The following DOT1L variants were observed in gnomAD, a reference collection of about 807,000 sequenced individuals.
DOT1L encodes histone-lysine N-methyltransferase, H3 lysine-79 specific.
In DOT1L, 33 loss-of-function variants were observed where a neutral mutation model predicts 153.3. The ratio of observed to expected loss-of-function variants is 0.22; its 90% CI spans 0.16 to 0.29. The LOEUF is 0.29. Among genes scored for constraint, DOT1L ranks in the 10% least tolerant of loss-of-function variants. DOT1L has a pLI of 1.00. For synonymous variants in DOT1L, 1,135 were observed against 965.1 expected, an observed-to-expected ratio of 1.18 and a Z score of -3.26; for missense variants, 1,847 against 2,119.9, an observed-to-expected ratio of 0.87 and a Z score of 2.53.
Position 2,207,762 on chromosome 19 carries a change from TG to T in DOT1L, c.963+83del. ...CGTCACACTGCTCTCTCCTTTCTCATGTGGCCTCTGAGACCCTCCCCTCAGA... is the reference window on the plus strand; with the variant it reads ...CGTCACACTGCTCTCTCCTTTCTCATTGGCCTCTGAGACCCTCCCCTCAGA... On this transcript the variant is annotated intron_variant, in intron 11 of 27. Transcript: ENST00000398665. The surrounding 1 kb of genome is among the most constrained non-coding windows in gnomAD (Gnocchi z 4.5). 1.5e-6 allele frequency: 2 copies of T among 1,302,576 alleles called. No individual in the cohort carries two copies. The highest frequency in any genetic ancestry group is 2.8e-5 in the South Asian group (2 of 71,136). The allele number at this position is 1,302,576 out of a possible 1,614,324, so 80.7% of individuals were successfully genotyped here.
In DOT1L at chr19:2,183,630, C is replaced by CT. The variant is rs34433988; in HGVS notation, c.126-2211dup. Among the ~76,000 whole-genome samples, 274 of 144,030 alleles carry CT rather than the reference C, an allele frequency of 1.9e-3. 2 individuals carry two copies. Among genetic ancestry groups the CT allele is most frequent in the South Asian group, 0.012 (55 of 4,546 alleles). 94.5% of individuals were successfully genotyped at this position (144,030 alleles called of 152,430 possible). ...ACTCCCAGGTATTCCTGCTTCAGTGCTTTTTTTTTTTTTTAAGGCGGAGTC... is the reference window on the plus strand; with the variant it reads ...ACTCCCAGGTATTCCTGCTTCAGTGCTTTTTTTTTTTTTTTAAGGCGGAGTC... On this transcript the variant is annotated intron_variant, in intron 2 of 27. Coordinates refer to ENST00000398665, the MANE Select transcript of DOT1L (RefSeq NM_032482.3).
At chr19:2,187,724 C>T (rs905806351) in intron 3 of DOT1L, among the ~76,000 whole-genome samples, 2 of 152,072 alleles carry the variant, frequency 1.3e-5, no homozygotes, top group Non-Finnish European at 2.9e-5. Context: ...AGATCGAGAC[C>T]ATCCTCGCTA....
chr19:2,226,038 C>T, intron 26 of DOT1L, 145 bp from the exon 27 acceptor site: 1 of 851,868 alleles, frequency 1.2e-6, no homozygotes, highest in Non-Finnish European at 1.7e-6. Flanking sequence ...TGTCCTCTCC[C>T]ATCCTGTCCC....
At position 2,164,179 on chromosome 19, in the gene DOT1L, G is replaced by T. The variant is rs750782916; in HGVS notation, c.-6G>T. 1.9e-5 allele frequency: 23 copies of T among 1,194,516 alleles called. No individual in the cohort carries two copies. In the South Asian group the frequency reaches 2.4e-4, roughly 12 times the overall value. The allele number at this position is 1,194,516 out of a possible 1,614,324, so 74.0% of individuals were successfully genotyped here. The stretch of plus-strand genomic sequence containing the variant: ...CTAGCATGGTGCGGCGGCCGCGCGC[G>T]CGGACATGGGGGAGAAGCTGGAGCT... On this transcript the variant is annotated 5_prime_UTR_variant, in exon 1 of 28. Coordinates refer to ENST00000398665, the MANE Select transcript of DOT1L (RefSeq NM_032482.3).
chr19:2,194,553 T>C lies in DOT1L; in HGVS notation c.627T>C (p.Tyr209=), dbSNP rs763434335. The part of the protein sequence containing the change: ...DREFRKWMKW[Y]GKKHAEYTLE... The stretch of plus-strand genomic sequence containing the variant: ...AGTTCAGGAAGTGGATGAAATGGTA[T>C]GGAAAAAAGCATGCAGAATACACAG... Residue 209 remains tyrosine (Y), a synonymous_variant, in exon 7 of 28, where the codon TAT becomes TAC. Transcript: ENST00000398665. 4 of 1,613,494 alleles carry C rather than the reference T, an allele frequency of 2.5e-6. No individual in the cohort carries two copies. Among genetic ancestry groups the C allele is most frequent in the East Asian group, 4.5e-5 (2 of 44,864 alleles).
intron 12 of DOT1L, among the ~76,000 whole-genome samples, chr19:2,210,070 G>T (rs1456606012): frequency 1.3e-5 from 2 of 152,222 alleles, no homozygotes; most frequent in Non-Finnish European, 2.9e-5. Context: ...TCTAGGTCCT[G>T]CTGCCTGAGG....
rs2024562820 is a variant in DOT1L at position 2,230,696 on chromosome 19, C to T, written c.*904C>T. The T allele has an allele frequency of 5.0e-6, 2 of 397,874 alleles. No individual in the cohort carries two copies. The highest frequency in any genetic ancestry group is 4.4e-6 in the Non-Finnish European group (1 of 226,016). The allele number at this position is 397,874 out of a possible 1,614,324, so 24.6% of individuals were successfully genotyped here. On this transcript the variant is annotated 3_prime_UTR_variant, in exon 28 of 28. Transcript: ENST00000398665. ...TTTATAAATTTCATAGATTTGACAG[C>T]TTTTATTTTTAGATGGTATAATGCA...
rs2019808130 is a variant in DOT1L, at chr19:2,163,941, C to G, written c.-244C>G. Among the ~76,000 whole-genome samples the G allele has an allele frequency of 6.7e-6, 1 of 149,768 alleles. No individual in the cohort carries two copies. The highest frequency in any genetic ancestry group is 2.4e-5 in the African/African-American group (1 of 41,292). ...CGCCCGGCCCCCGGCTCATTGTGCT[C>G]GCTTCACGCCGGCCCAAGATGGCGG... On this transcript the variant is annotated 5_prime_UTR_variant, in exon 1 of 28. Transcript: ENST00000398665.
intron 3 of DOT1L, among the ~76,000 whole-genome samples, chr19:2,187,458 T>C (rs1248206399): frequency 6.6e-6 from 1 of 152,220 alleles, no homozygotes; most frequent in Non-Finnish European, 1.5e-5. Flanking sequence ...TCGTTGGAGC[T>C]GGCAGGGCCA....
rs992681217 is a variant in DOT1L, at chr19:2,163,933, A to T, written c.-252A>T. Among the ~76,000 whole-genome samples, 11 of 149,160 alleles carry T rather than the reference A, an allele frequency of 7.4e-5. No homozygotes were observed. The highest frequency in any genetic ancestry group is 1.5e-4 in the Non-Finnish European group (10 of 66,860). On this transcript the variant is annotated 5_prime_UTR_variant, in exon 1 of 28. Coordinates refer to ENST00000398665, the MANE Select transcript of DOT1L (RefSeq NM_032482.3). ...AGTGGTTCCGCCCGGCCCCCGGCTC[A>T]TTGTGCTCGCTTCACGCCGGCCCAA...
intron 27 of DOT1L, chr19:2,229,457 C>T (rs964437783): frequency 1.2e-5 from 12 of 985,308 alleles, no homozygotes; most frequent in African/African-American, 8.7e-5. Context: ...CGGGTCAATG[C>T]GGGCACCTGC....
rs2024548496 is a variant in DOT1L at position 2,230,418 on chromosome 19, C to G, written c.*626C>G. On this transcript the variant is annotated 3_prime_UTR_variant, in exon 28 of 28. Transcript: ENST00000398665. ...TGTGAACCCCCAGACTGTTCACCCT[C>G]CGGGGCGTGGGTTGCGCCCTTGCAT... 1.0e-5 allele frequency: 4 copies of G among 400,324 alleles called. No individual in the cohort carries two copies. Among genetic ancestry groups the G allele is most frequent in the Non-Finnish European group, 1.8e-5 (4 of 227,294 alleles). 24.8% of individuals were successfully genotyped at this position (400,324 alleles called of 1,614,324 possible).
chr19:2,191,065 C>T lies in DOT1L; in HGVS notation c.318C>T (p.Leu106=), dbSNP rs1004128160. The change falls in exon 5 of 28, where the codon CTC becomes CTT. Residue 106 remains leucine, a synonymous_variant. Coordinates refer to ENST00000398665, the MANE Select transcript of DOT1L (RefSeq NM_032482.3). This position sits in a 1 kb window ranked among gnomAD's most constrained non-coding sequence, Gnocchi z 6.8. Reference sequence around the variant, plus strand: ...TGAACACGCGGCCGTCCACTGGACTCCTGCGCCATATCCTGCAGCAGGTCT... The same window carrying T: ...TGAACACGCGGCCGTCCACTGGACTTCTGCGCCATATCCTGCAGCAGGTCT... ...MKLNTRPSTG[L]LRHILQQVYN... 7.4e-6 allele frequency: 12 copies of T among 1,611,974 alleles called. No individual in the cohort carries two copies. Among genetic ancestry groups the T allele is most frequent in the African/African-American group, 1.3e-5 (1 of 74,980 alleles).
intron 7 of DOT1L, among the ~76,000 whole-genome samples, chr19:2,196,240 C>T (rs916734316): frequency 5.9e-5 from 9 of 152,260 alleles, no homozygotes; most frequent in Non-Finnish European, 1.3e-4. Flanking sequence ...GTCAGGAGCC[C>T]TTGCCAACTG....
chr19:2,203,616 G>A (rs965705256), intron 9 of DOT1L, among the ~76,000 whole-genome samples: 19 of 152,196 alleles, frequency 1.2e-4, no homozygotes, highest in Admixed American at 3.9e-4. Flanking sequence ...AAGCCCTGGC[G>A]TAGTTTCAGG....
intron 12 of DOT1L, among the ~76,000 whole-genome samples, chr19:2,209,960 A>G (rs1396185457): frequency 6.6e-6 from 1 of 152,084 alleles, no homozygotes; most frequent in Non-Finnish European, 1.5e-5. Flanking sequence ...CGCGCCCTCC[A>G]CTAACTCACA....
chr19:2,174,245 C>T (rs1208094774), intron 1 of DOT1L, among the ~76,000 whole-genome samples: 2 of 152,216 alleles, frequency 1.3e-5, no homozygotes, highest in African/African-American at 2.4e-5. Flanking sequence ...AGGTCTGAGT[C>T]CCCTTTTCAC....
At chr19:2,165,264 C>T (rs955990971) in intron 1 of DOT1L, among the ~76,000 whole-genome samples, 5 of 107,754 alleles carry the variant, frequency 4.6e-5, no homozygotes, top group African/African-American at 1.9e-4. Context: ...CCGGGCATCC[C>T]CGCGCGCCCT....
Position 2,220,167 on chromosome 19 carries a change from G to T in DOT1L, c.2751G>T (p.Gln917His), listed in dbSNP as rs762198777. Residue 917 changes from glutamine to histidine, a missense_variant, in exon 23 of 28, where the codon CAG becomes CAT. This residue lies in a region of DOT1L where 68 missense variants were observed against 80.7 expected (regional missense o/e 0.84). Coordinates refer to ENST00000398665, the MANE Select transcript of DOT1L (RefSeq NM_032482.3). The surrounding 1 kb of genome is among the most constrained non-coding windows in gnomAD (Gnocchi z 4.5). ...ACCCCTCGTCCACACTTGAAAAGCA[G>T]ATTGGTGCTAATGCCCACGGTGCTG... The part of the protein sequence containing the change: ...PRDPSSTLEK[Q>H]IGANAHGAGS... 1 of 1,613,718 alleles carries T rather than the reference G, an allele frequency of 6.2e-7. No homozygotes were observed. The highest frequency in any genetic ancestry group is 1.3e-5 in the African/African-American group (1 of 74,922).
Sources: allele counts gnomAD v4.1 joint callset (sites outside exome capture counted in the v4.1 genomes callset), GRCh38; gene constraint gnomAD v4.1.1; regional missense constraint gnomAD v4.1.1; non-coding constraint Gnocchi (gnomAD v3.1); transcripts MANE v1.5; gene names NCBI Gene and HGNC (gene_info 2026-07-23, HGNC 2026-07-21).